Variants in FRMPD4 observed in about 807,000 individuals in gnomAD.
FRMPD4 encodes FERM and PDZ domain containing 4.
Under a neutral mutation model 94.1 loss-of-function variants are expected in FRMPD4, and 22 were observed. The observed-to-expected ratio is 0.23, with a 90% CI of 0.17 to 0.33. FRMPD4 has a LOEUF of 0.33. FRMPD4 is among the 10% of genes least tolerant of loss of function. The pLI is 1.00. For synonymous variants in FRMPD4, 631 were observed against 548.6 expected, an observed-to-expected ratio of 1.15 and a Z score of -2.10; for missense variants, 1,111 against 1,339.9, an observed-to-expected ratio of 0.83 and a Z score of 2.67.
chrX:12,492,108 T>C (rs1263804567), intron 1 of FRMPD4, among the ~76,000 whole-genome samples: 1 of 111,941 alleles, frequency 8.9e-6, no homozygotes, highest in East Asian at 2.8e-4. Flanking sequence ...AAATGTCCAA[T>C]TCGGGGCAGG....
intron 1 of FRMPD4, among the ~76,000 whole-genome samples, chrX:11,830,772 C>T (rs1439214409): frequency 9.0e-6 from 1 of 111,354 alleles, no homozygotes; most frequent in African/African-American, 3.3e-5. Flanking sequence ...CCAAATCTAG[C>T]TTTGATTGAG....
intron 1 of FRMPD4, among the ~76,000 whole-genome samples, chrX:12,230,083 T>C (rs1474764744): frequency 9.0e-6 from 1 of 111,335 alleles, no homozygotes; most frequent in African/African-American, 3.3e-5. Context: ...GCCTTCTTCT[T>C]CTTGCTGCTG....
intron 1 of FRMPD4, among the ~76,000 whole-genome samples, chrX:12,251,083 C>T (rs944049592): frequency 4.5e-5 from 5 of 112,156 alleles, no homozygotes; most frequent in South Asian, 3.7e-4. Flanking sequence ...ATTTGCCTGA[C>T]GTTCAGAAAT....
rs73442706 is a variant in FRMPD4 at position 12,554,449 on chromosome X, G to A, written c.159-55272G>A. Reference sequence around the variant, plus strand: ...GAAACTGTAGCCATGACCTATTATTGACTTATGAAGTCAATTCAATAAGTC... The same window carrying A: ...GAAACTGTAGCCATGACCTATTATTAACTTATGAAGTCAATTCAATAAGTC... On this transcript the variant is annotated intron_variant, in intron 2 of 16. Transcript: ENST00000675598. 4.2e-3 allele frequency among the ~76,000 whole-genome samples: 473 copies of A among 111,617 alleles called. 3 individuals are homozygous for A. The highest frequency in any genetic ancestry group is 0.015 in the African/African-American group (455 of 30,699).
intron 4 of FRMPD4, among the ~76,000 whole-genome samples, chrX:12,625,875 G>A (rs1365197665): frequency 6.3e-5 from 7 of 111,599 alleles, no homozygotes; most frequent in East Asian, 5.6e-4. Flanking sequence ...CACATTATAC[G>A]AATATATCAA....
chrX:12,244,096 TTTTTG>T lies in FRMPD4; in HGVS notation c.41+105114_41+105118del, dbSNP rs373723984. On this transcript the variant is annotated intron_variant, in intron 1 of 16. Coordinates refer to ENST00000675598, the MANE Select transcript of FRMPD4 (RefSeq NM_001368397.1). ...CAAGTGTGAGCCACTGCACCTGGCG[TTTTTG>T]TTTTGTTTTGTTTTGTTTTGTTTTG... 1.0e-3 allele frequency among the ~76,000 whole-genome samples: 113 copies of T among 110,026 alleles called. 1 individual carries two copies. The South Asian group carries it at 0.018, about 17-fold the overall frequency.
intron 2 of FRMPD4, among the ~76,000 whole-genome samples, chrX:12,510,682 A>T (rs754447178): frequency 3.7e-4 from 42 of 112,727 alleles, no homozygotes; most frequent in Admixed American, 9.4e-4. Flanking sequence ...GGAAACTTTT[A>T]AAAAGTTTTG....
chrX:12,553,434 CTATA>C lies in FRMPD4; in HGVS notation c.158+54668_158+54671del, dbSNP rs3066486. Among the ~76,000 whole-genome samples, 66 of 39,650 alleles carry C rather than the reference CTATA, an allele frequency of 1.7e-3. 1 individual carries two copies. Among genetic ancestry groups the C allele is most frequent in the East Asian group, 4.3e-3 (6 of 1,396 alleles). 34.4% of individuals were successfully genotyped at this position (39,650 alleles called of 115,157 possible). ...AGTTTTGTGAGATCTATCCATATGCCTATATATATATATATATATATATATATAT... is the reference window on the plus strand; with the variant it reads ...AGTTTTGTGAGATCTATCCATATGCCTATATATATATATATATATATATAT... On this transcript the variant is annotated intron_variant, in intron 2 of 16. Transcript: ENST00000675598.
chrX:12,388,850 T>TATATACAC (rs1491368741), intron 1 of FRMPD4, among the ~76,000 whole-genome samples: 1,123 of 73,305 alleles, frequency 0.015, 13 homozygotes, highest in Middle Eastern at 0.023. Flanking sequence ...TATATATATA[T>TATATACAC]ACACACAATG....
At chrX:12,322,479 G>A (rs1356720068) in intron 1 of FRMPD4, among the ~76,000 whole-genome samples, 1 of 110,483 alleles carries the variant, frequency 9.1e-6, no homozygotes, top group East Asian at 2.8e-4. Flanking sequence ...TGGATGATGT[G>A]CTTGGTGTGT....
intron 1 of FRMPD4, among the ~76,000 whole-genome samples, chrX:11,858,269 A>G (rs1162848489): frequency 8.9e-6 from 1 of 111,952 alleles, no homozygotes; most frequent in Non-Finnish European, 1.9e-5. Context: ...TCATTGCAGC[A>G]CTATTCACAA....
In FRMPD4 at chrX:12,472,005, T is replaced by G. The variant is rs751237256; in HGVS notation, c.42-26675T>G. On this transcript the variant is annotated intron_variant, in intron 1 of 16. Coordinates refer to ENST00000675598, the MANE Select transcript of FRMPD4 (RefSeq NM_001368397.1). Reference sequence around the variant, plus strand: ...CTAGTGCACAAATTAGCCACAGAATTGCACTGTCACTTAAAACTGTGCTGG... The same window carrying G: ...CTAGTGCACAAATTAGCCACAGAATGGCACTGTCACTTAAAACTGTGCTGG... Among the ~76,000 whole-genome samples, 3 of 112,640 alleles carry G rather than the reference T, an allele frequency of 2.7e-5. No homozygotes were observed. The East Asian group carries it at 8.4e-4, about 31-fold the overall frequency.
chrX:12,669,901 C>T (rs761027234), intron 4 of FRMPD4, among the ~76,000 whole-genome samples: 3 of 112,054 alleles, frequency 2.7e-5, no homozygotes, highest in Admixed American at 1.9e-4. Flanking sequence ...TAAGATAGTA[C>T]ATTTGCATCA....
intron 2 of FRMPD4, among the ~76,000 whole-genome samples, chrX:12,503,167 T>C (rs1471154100): frequency 9.0e-6 from 1 of 111,392 alleles, no homozygotes; most frequent in Admixed American, 9.5e-5. Context: ...GCTGGCAAAA[T>C]AGATTATTAT....
intron 4 of FRMPD4, among the ~76,000 whole-genome samples, chrX:12,617,203 C>A (rs1181139340): frequency 8.0e-5 from 9 of 111,987 alleles, no homozygotes; most frequent in Non-Finnish European, 1.5e-4. Context: ...TTTGTAAAGT[C>A]CATCAGCTAA....
At chrX:11,961,340 C>G (rs748265737) in intron 3 of FRMPD4, among the ~76,000 whole-genome samples, 1 of 112,222 alleles carries the variant, frequency 8.9e-6, no homozygotes, top group African/African-American at 3.2e-5. Flanking sequence ...AAAATTCTTA[C>G]TTGATTGTAC....
chrX:11,841,844 C>G (rs1332267408), intron 1 of FRMPD4, among the ~76,000 whole-genome samples: 5 of 103,793 alleles, frequency 4.8e-5, no homozygotes, highest in African/African-American at 1.8e-4. Flanking sequence ...CTGAATGGTA[C>G]TGCCTAGGTT....
In FRMPD4 at chrX:12,445,715, T is replaced by C. The variant is rs766601494; in HGVS notation, c.42-52965T>C. ...AGTTGAAGCAAAGTCTGTGCACTTA[T>C]AGCAACTAGACAGGAATAAATATGA... On this transcript the variant is annotated intron_variant, in intron 1 of 16. Transcript: ENST00000675598. Among the ~76,000 whole-genome samples the C allele has an allele frequency of 6.2e-5, 7 of 112,752 alleles. No individual in the cohort carries two copies. In the South Asian group the frequency reaches 1.5e-3, roughly 24 times the overall value.
intron 1 of FRMPD4, among the ~76,000 whole-genome samples, chrX:12,154,811 A>C (rs1396382968): frequency 8.9e-6 from 1 of 112,489 alleles, no homozygotes; most frequent in Non-Finnish European, 1.9e-5. Context: ...AGTGAAGTCA[A>C]CAACAATCCA....
Sources: allele counts gnomAD v4.1 joint callset (sites outside exome capture counted in the v4.1 genomes callset), GRCh38; gene constraint gnomAD v4.1.1; transcripts MANE v1.5; gene names NCBI Gene and HGNC (gene_info 2026-07-23, HGNC 2026-07-21).